Variants in SPATA17 observed in about 807,000 individuals in gnomAD.
SPATA17 encodes spermatogenesis associated 17, also known as spermatogenesis-associated protein 17.
In SPATA17, 53 loss-of-function variants were observed where a neutral mutation model predicts 62.2. The ratio of observed to expected loss-of-function variants is 0.85; its 90% CI spans 0.68 to 1.07. The LOEUF (loss-of-function observed/expected upper bound fraction) is 1.07. Ranked by LOEUF, SPATA17 falls within the 50% of genes least tolerant of loss-of-function variation. The pLI, the probability that SPATA17 is intolerant of heterozygous loss-of-function variation, is 0.00. For missense variants in SPATA17, 466 were observed against 425.5 expected (o/e 1.10, Z -0.84); for synonymous variants, 146 against 146.8 (o/e 0.99, Z 0.04).
chr1:217,726,981 C>A (rs1672276809), intron 5 of SPATA17, among the ~76,000 whole-genome samples: 2 of 151,972 alleles, frequency 1.3e-5, no homozygotes, highest in Non-Finnish European at 2.9e-5. Flanking sequence ...GGAGCGGTGG[C>A]TTACGCCTGT....
intron 5 of SPATA17, among the ~76,000 whole-genome samples, chr1:217,709,225 CA>C (rs1321431614): frequency 6.6e-6 from 1 of 152,092 alleles, no homozygotes; most frequent in Non-Finnish European, 1.5e-5. Context: ...AAATTATACT[CA>C]AAGCAGTTTG....
At chr1:217,714,977 C>A (rs541593748) in intron 5 of SPATA17, among the ~76,000 whole-genome samples, 1 of 151,922 alleles carries the variant, frequency 6.6e-6, no homozygotes, top group Non-Finnish European at 1.5e-5. Flanking sequence ...TTTAAAAATA[C>A]AAAAATCTAT....
chr1:217,805,894 T>C (rs1055814705), intron 9 of SPATA17, among the ~76,000 whole-genome samples: 1 of 152,220 alleles, frequency 6.6e-6, no homozygotes, highest in Non-Finnish European at 1.5e-5. Flanking sequence ...TGCAGGTGTA[T>C]TTAATTTGTC....
intron 7 of SPATA17, among the ~76,000 whole-genome samples, chr1:217,777,252 C>T (rs17041590): frequency 0.022 from 3,386 of 152,150 alleles, 132 homozygotes; most frequent in African/African-American, 0.079. Flanking sequence ...CTCAAAACTA[C>T]TAACTGATAA....
chr1:217,789,719 GA>G (rs1422874229), intron 8 of SPATA17, among the ~76,000 whole-genome samples: 1 of 151,848 alleles, frequency 6.6e-6, no homozygotes, highest in African/African-American at 2.4e-5. Context: ...AATTGGCTAA[GA>G]AAGAGAAACT....
chr1:217,753,664 T>C lies in SPATA17; in HGVS notation c.519+11566T>C, dbSNP rs1157258710. Among the ~76,000 whole-genome samples the C allele has an allele frequency of 2.6e-5, 4 of 152,118 alleles. No individual in the cohort carries two copies. The East Asian group carries it at 7.7e-4, about 29-fold the overall frequency. On this transcript the variant is annotated intron_variant, in intron 6 of 10. Coordinates refer to ENST00000366933, the MANE Select transcript of SPATA17 (RefSeq NM_138796.4). ...TTTTATTTGTACATATGTATATATG[T>C]ACATACATGTATACATGTTATGTAT...
intron 5 of SPATA17, among the ~76,000 whole-genome samples, chr1:217,700,096 G>T (rs566554786): frequency 2.2e-4 from 34 of 152,130 alleles, no homozygotes; most frequent in African/African-American, 8.0e-4. Flanking sequence ...TGGGCAGGGG[G>T]ATTCCTTTCA....
intron 8 of SPATA17, among the ~76,000 whole-genome samples, chr1:217,797,195 A>G (rs1449482491): frequency 2.0e-5 from 3 of 152,018 alleles, no homozygotes; most frequent in East Asian, 3.8e-4. Context: ...CGAACTGGTT[A>G]TAACTCAGCC....
At chr1:217,645,926 C>G (rs978228850) in intron 1 of SPATA17, among the ~76,000 whole-genome samples, 1 of 152,170 alleles carries the variant, frequency 6.6e-6, no homozygotes, top group African/African-American at 2.4e-5. Flanking sequence ...TTCCCATTAA[C>G]TTCTATGACA....
chr1:217,741,849 A>G (rs1437468948), intron 5 of SPATA17, 126 bp from the exon 6 acceptor site: 1 of 979,704 alleles, frequency 1.0e-6, no homozygotes, highest in Non-Finnish European at 1.5e-6. Flanking sequence ...GGTAAGATAG[A>G]TTACACCACT....
At chr1:217,807,489 T>A (rs1674466080) in intron 9 of SPATA17, among the ~76,000 whole-genome samples, 2 of 152,158 alleles carry the variant, frequency 1.3e-5, no homozygotes. Flanking sequence ...CTGAAAACAT[T>A]TAGTGTAAAC....
chr1:217,706,785 T>G (rs1671746598), intron 5 of SPATA17, among the ~76,000 whole-genome samples: 1 of 152,218 alleles, frequency 6.6e-6, no homozygotes, highest in Non-Finnish European at 1.5e-5. Context: ...CAGTCTTTTG[T>G]AATTCTCACT....
At chr1:217,725,745 G>A (rs1431401531) in intron 5 of SPATA17, among the ~76,000 whole-genome samples, 1 of 152,186 alleles carries the variant, frequency 6.6e-6, no homozygotes, top group Non-Finnish European at 1.5e-5. Flanking sequence ...TTATAGGTGT[G>A]AGCCACTACG....
chr1:217,705,593 A>T (rs1316897339), intron 5 of SPATA17, among the ~76,000 whole-genome samples: 1 of 151,744 alleles, frequency 6.6e-6, no homozygotes, highest in African/African-American at 2.4e-5. Context: ...GGTGTGTGCC[A>T]CTATGCCCAA....
At chr1:217,807,442 T>C (rs563006182) in intron 9 of SPATA17, among the ~76,000 whole-genome samples, 44 of 152,292 alleles carry the variant, frequency 2.9e-4, no homozygotes, top group African/African-American at 9.9e-4. Flanking sequence ...GAAACCCATA[T>C]TACTCTCTAA....
intron 8 of SPATA17, among the ~76,000 whole-genome samples, chr1:217,794,240 C>T (rs1407212613): frequency 6.6e-6 from 1 of 152,164 alleles, no homozygotes; most frequent in East Asian, 1.9e-4. Context: ...CTAGTTGTTA[C>T]TTCTCCTGTA....
intron 5 of SPATA17, among the ~76,000 whole-genome samples, chr1:217,705,430 C>CT (rs58138326): frequency 0.49 from 22,771 of 46,236 alleles, 10,361 homozygotes; most frequent in Non-Finnish European, 0.6. Flanking sequence ...TTCTAGTTGT[C>CT]TTTTTTTTTT....
chr1:217,696,680 T>C (rs1671469194), intron 5 of SPATA17, among the ~76,000 whole-genome samples: 1 of 152,216 alleles, frequency 6.6e-6, no homozygotes, highest in Non-Finnish European at 1.5e-5. Flanking sequence ...TGTATCATAT[T>C]TCCTGATTTT....
chr1:217,699,975 T>C (rs2102918455), intron 5 of SPATA17, among the ~76,000 whole-genome samples: 1 of 152,338 alleles, frequency 6.6e-6, no homozygotes, highest in African/African-American at 2.4e-5. Flanking sequence ...GTAGGTATCA[T>C]TATGTGGGTC....
Sources: gnomAD v4.1 joint callset for allele counts (sites outside exome capture counted in the v4.1 genomes callset) on GRCh38, gnomAD v4.1.1 for gene constraint, MANE v1.5 for transcripts, NCBI Gene and HGNC (gene_info 2026-07-23, HGNC 2026-07-21) for gene names.